Variants in ALKBH5 observed in about 807,000 individuals in gnomAD.
ALKBH5 encodes the protein RNA demethylase ALKBH5.
ALKBH5 carries 2 observed loss-of-function variants against 32.1 expected under a neutral mutation model. The observed-to-expected ratio is 0.06, with a 90% confidence interval of 0.03 to 0.20. The LOEUF (loss-of-function observed/expected upper bound fraction) is 0.20. Among genes scored for constraint, ALKBH5 ranks in the 10% least tolerant of loss-of-function variants. The probability of loss-of-function intolerance (pLI) is 1.00; values close to 1 mark genes in which losing one functional copy is unlikely to be tolerated. For synonymous variants in ALKBH5, 300 were observed against 231.7 expected (o/e 1.29, Z -2.68); for missense variants, 352 against 559.5 (o/e 0.63, Z 3.74).
chr17:18,201,794 A>G lies in ALKBH5; in HGVS notation c.852-5021A>G, dbSNP rs900478436. ...AGATAGATAGATAGATAGGATAGAT[A>G]AGATAGATAGATAGATAGATAGATA... On this transcript the variant is annotated intron_variant, in intron 2 of 3. Transcript: ENST00000399138. Among the ~76,000 whole-genome samples, 913 of 134,510 alleles carry G rather than the reference A, an allele frequency of 6.8e-3. 10 individuals carry two copies. Among genetic ancestry groups the G allele is most frequent in the African/African-American group, 0.023 (872 of 37,124 alleles). 88.2% of individuals were successfully genotyped at this position (134,510 alleles called of 152,430 possible). A position where few individuals can be genotyped will look rare whatever the true frequency, so the allele number is the denominator to read the frequency against.
At chr17:18,195,926 G>A (rs759561855) in intron 2 of ALKBH5, among the ~76,000 whole-genome samples, 1 of 152,118 alleles carries the variant, frequency 6.6e-6, no homozygotes, top group Non-Finnish European at 1.5e-5. Flanking sequence ...GCTGTCTGTC[G>A]TCTTCTTCCT....
chr17:18,185,023 C>G lies in ALKBH5; in HGVS notation c.770+10C>G, dbSNP rs1341128848. The stretch of plus-strand genomic sequence containing the variant: ...GCGTGACTGTGCTCAGGTAACCCAC[C>G]CGGGTGGAGGGGGCGGCCCTGCGCC... On this transcript the variant is annotated intron_variant, in intron 1 of 3. Coordinates refer to ENST00000399138, the MANE Select transcript of ALKBH5 (RefSeq NM_017758.4). 1.2e-6 allele frequency: 2 copies of G among 1,600,740 alleles called. No individual in the cohort carries two copies. The highest frequency in any genetic ancestry group is 2.2e-5 in the South Asian group (2 of 90,892).
At chr17:18,188,226 C>G (rs1365693415) in intron 1 of ALKBH5, among the ~76,000 whole-genome samples, 2 of 152,256 alleles carry the variant, frequency 1.3e-5, no homozygotes, top group Non-Finnish European at 2.9e-5. Flanking sequence ...AAAACAGACT[C>G]TGATTGGACT....
At chr17:18,189,447 G>T (rs1198349835) in intron 1 of ALKBH5, among the ~76,000 whole-genome samples, 3 of 152,214 alleles carry the variant, frequency 2.0e-5, no homozygotes, top group Non-Finnish European at 2.9e-5. Context: ...AGCCTTCACT[G>T]ATACAGTGCT....
Position 18,195,021 on chromosome 17 carries a change from C to A in ALKBH5, c.837C>A (p.Val279=). 6.2e-7 allele frequency: 1 copy of A among 1,613,462 alleles called. No homozygotes were observed. The highest frequency in any genetic ancestry group is 1.1e-5 in the South Asian group (1 of 91,008). The change falls in exon 2 of 4, where the codon GTC becomes GTA. Residue 279 remains valine (V), a synonymous_variant. Coordinates refer to ENST00000399138, the MANE Select transcript of ALKBH5 (RefSeq NM_017758.4). ...AGGACATCAAGGAGCGCCGAGCAGT[C>A]ATCATCCTCAGGAAGTAAGTGCCTT... ...RPQDIKERRA[V]IILRKTRLDA...
chr17:18,201,774 G>GGT (rs1567676587), intron 2 of ALKBH5, among the ~76,000 whole-genome samples: 31 of 136,164 alleles, frequency 2.3e-4, no homozygotes, highest in African/African-American at 7.3e-4. Context: ...TAGATAGATA[G>GGT]ATAGATAGAT....
chr17:18,190,059 G>C (rs892929386), intron 1 of ALKBH5, among the ~76,000 whole-genome samples: 1 of 152,230 alleles, frequency 6.6e-6, no homozygotes, highest in Non-Finnish European at 1.5e-5. Context: ...CTGTCAGTAA[G>C]GCAGGTAGCC....
chr17:18,207,658 G>A (rs1196406898), intron 3 of ALKBH5, among the ~76,000 whole-genome samples: 3 of 141,246 alleles, frequency 2.1e-5, no homozygotes, highest in South Asian at 2.2e-4. Flanking sequence ...GCAAGAATCC[G>A]TCTCAAAAAA....
At chr17:18,202,151 CA>C (rs1208882613) in intron 2 of ALKBH5, among the ~76,000 whole-genome samples, 1 of 151,072 alleles carries the variant, frequency 6.6e-6, no homozygotes, top group Non-Finnish European at 1.5e-5. Flanking sequence ...ACTAAAAATA[CA>C]AAAAAAATCA....
rs549872934 is a variant in ALKBH5, at chr17:18,206,653, A to T, written c.852-162A>T. The T allele has an allele frequency of 4.1e-6, 3 of 737,844 alleles. No homozygotes were observed. In the Admixed American group the frequency reaches 7.1e-5, roughly 17 times the overall value. The allele number at this position is 737,844 out of a possible 1,614,324, so 45.7% of individuals were successfully genotyped here. On this transcript the variant is annotated intron_variant, in intron 2 of 3. Transcript: ENST00000399138. Reference sequence around the variant, plus strand: ...AGGAGGGTCTTTGAAAGTCAGCTAGACCAATCTCTAGTTGAACCTCAAGGA... The same window carrying T: ...AGGAGGGTCTTTGAAAGTCAGCTAGTCCAATCTCTAGTTGAACCTCAAGGA...
intron 2 of ALKBH5, among the ~76,000 whole-genome samples, chr17:18,206,057 G>T (rs941640248): frequency 1.3e-5 from 2 of 152,104 alleles, no homozygotes; most frequent in Non-Finnish European, 2.9e-5. Context: ...CTTCTGTTCT[G>T]GCTTCATAAA....
In ALKBH5 at chr17:18,190,296, TC is replaced by T. The variant is rs1597836865; in HGVS notation, c.771-4656del. On this transcript the variant is annotated intron_variant, in intron 1 of 3. Coordinates refer to ENST00000399138, the MANE Select transcript of ALKBH5 (RefSeq NM_017758.4). ...CAGGTGCGGTGGCTCATGCCTGTAA[TC>T]CCAGCACTTTGGGAGGCCAGGGCGG... Among the ~76,000 whole-genome samples, 5 of 152,138 alleles carry T rather than the reference TC, an allele frequency of 3.3e-5. No individual in the cohort carries two copies. In the East Asian group the frequency reaches 9.6e-4, roughly 29 times the overall value.
At chr17:18,197,789 A>G (rs1327671653) in intron 2 of ALKBH5, among the ~76,000 whole-genome samples, 2 of 152,114 alleles carry the variant, frequency 1.3e-5, no homozygotes, top group African/African-American at 4.8e-5. Context: ...AAGCTCTTCT[A>G]CCTTCTGACT....
intron 1 of ALKBH5, among the ~76,000 whole-genome samples, chr17:18,187,461 C>A (rs1040248826): frequency 1.3e-5 from 2 of 152,082 alleles, no homozygotes; most frequent in African/African-American, 4.8e-5. Context: ...TGAGGCTGTT[C>A]GTGCATTGTA....
chr17:18,187,441 G>A (rs1358780378), intron 1 of ALKBH5, among the ~76,000 whole-genome samples: 1 of 152,172 alleles, frequency 6.6e-6, no homozygotes, highest in African/African-American at 2.4e-5. Flanking sequence ...GCTTGATAAT[G>A]CTTCATTGTT....
intron 1 of ALKBH5, among the ~76,000 whole-genome samples, chr17:18,191,139 A>G (rs2047171948): frequency 6.6e-6 from 1 of 152,188 alleles, no homozygotes; most frequent in Non-Finnish European, 1.5e-5. Context: ...CAGACAATTT[A>G]TTTTGTAGCA....
intron 2 of ALKBH5, among the ~76,000 whole-genome samples, chr17:18,206,058 G>A (rs574375430): frequency 2.0e-5 from 3 of 152,210 alleles, no homozygotes; most frequent in East Asian, 3.9e-4. Context: ...TTCTGTTCTG[G>A]CTTCATAAAG....
chr17:18,184,378 C>A lies in ALKBH5; in HGVS notation c.135C>A (p.Ala45=), dbSNP rs961548571. 1.3e-6 allele frequency: 2 copies of A among 1,519,372 alleles called. No individual in the cohort carries two copies. The highest frequency in any genetic ancestry group is 2.5e-5 in the South Asian group (2 of 80,732). The allele number at this position is 1,519,372 out of a possible 1,614,324, so 94.1% of individuals were successfully genotyped here. ...AAAVAAAAAA[A]AAAEPYPVSG... ...CCGTAGCCGCCGCAGCCGCAGCCGC[C>A]GCTGCCGCCGAACCTTACCCTGTGT... is the stretch of plus-strand genomic sequence containing the variant. The change falls in exon 1 of 4, where the codon GCC becomes GCA. Residue 45 remains alanine (A), a synonymous_variant. Transcript: ENST00000399138.
At chr17:18,201,812 GATAGATAGATAGATAGATAGA>G (rs1330537023) in intron 2 of ALKBH5, among the ~76,000 whole-genome samples, 1 of 75,570 alleles carries the variant, frequency 1.3e-5, no homozygotes, top group Non-Finnish European at 3.1e-5. Context: ...TAGATAGATA[GATAGATAGATAGATAGATAGA>G]TAGATGATAG....
Sources: allele counts gnomAD v4.1 joint callset (sites outside exome capture counted in the v4.1 genomes callset), GRCh38; gene constraint gnomAD v4.1.1; transcripts MANE v1.5; gene names NCBI Gene and HGNC (gene_info 2026-07-23, HGNC 2026-07-21).